PCDHGA6: variants seen among roughly 807,000 people sequenced by gnomAD.
PCDHGA6 encodes protocadherin gamma-A6.
PCDHGA6 carries 41 observed loss-of-function variants against 60.6 expected under a neutral mutation model. The observed-to-expected ratio is 0.68, with a 90% confidence interval of 0.53 to 0.88. PCDHGA6 has a LOEUF of 0.88. Among genes scored for constraint, PCDHGA6 ranks in the 40% least tolerant of loss-of-function variants. The pLI, the probability that PCDHGA6 is intolerant of heterozygous loss-of-function variation, is 0.00. For missense variants in PCDHGA6, 1,312 were observed against 1,203.0 expected, an observed-to-expected ratio of 1.09 and a Z score of -1.34; for synonymous variants, 594 against 524.4, an observed-to-expected ratio of 1.13 and a Z score of -1.81.
At chr5:141,400,235 T>TGATTCTGGCCGTTGCC in intron 1 of PCDHGA6, 1 of 1,614,006 alleles carries the variant, frequency 6.2e-7, no homozygotes, top group East Asian at 2.2e-5. Flanking sequence ...CTCCTGGCCG[T>TGATTCTGGCCGTTGCC]GATTCTGGCC....
At chr5:141,421,960 C>G in intron 1 of PCDHGA6, 3 of 1,612,526 alleles carry the variant, frequency 1.9e-6, no homozygotes, top group Non-Finnish European at 2.5e-6. Context: ...AATGTTTACA[C>G]AGTCCGTATA....
intron 1 of PCDHGA6, among the ~76,000 whole-genome samples, chr5:141,380,906 G>A (rs528730354): frequency 1.3e-3 from 196 of 152,328 alleles, no homozygotes; most frequent in Non-Finnish European, 2.0e-3. Flanking sequence ...ATCTACAAGT[G>A]CTTACATTGT....
At position 141,432,180 on chromosome 5, in the gene PCDHGA6, T is replaced by G. The variant is rs943491593; in HGVS notation, c.2424+55673T>G. 2 of 1,614,044 alleles carry G rather than the reference T, an allele frequency of 1.2e-6. No homozygotes were observed. The highest frequency in any genetic ancestry group is 1.7e-6 in the Non-Finnish European group (2 of 1,180,036). ...CCCAGAGGAGTTTCCCTCGTCTCTG[T>G]GACCGCCCACGACCCCGACTGTGAA... On this transcript the variant is annotated intron_variant, in intron 1 of 3. Coordinates refer to ENST00000517434, the MANE Select transcript of PCDHGA6 (RefSeq NM_018919.3). This position sits in a 1 kb window ranked among gnomAD's most constrained non-coding sequence, Gnocchi z 6.0.
intron 1 of PCDHGA6, among the ~76,000 whole-genome samples, chr5:141,467,304 C>T (rs567912553): frequency 2.0e-5 from 3 of 152,266 alleles, no homozygotes; most frequent in Admixed American, 6.5e-5. Flanking sequence ...CCACTCACCT[C>T]GGCCTCCCAC....
chr5:141,410,161 A>C (rs2095363664), intron 1 of PCDHGA6: 1 of 1,613,220 alleles, frequency 6.2e-7, no homozygotes, highest in African/African-American at 1.3e-5. Context: ...GACAGCCGCC[A>C]CTCTCTGCCA....
chr5:141,412,592 C>T (rs1472116158), intron 1 of PCDHGA6: 1 of 152,048 alleles, frequency 6.6e-6, no homozygotes, highest in African/African-American at 2.4e-5. Context: ...TGAATGTATA[C>T]TAAATAAAAT....
In PCDHGA6 at chr5:141,476,533, A is replaced by G; in HGVS notation, c.2425-18274A>G. 6.2e-7 allele frequency: 1 copy of G among 1,614,184 alleles called. No individual in the cohort carries two copies. Among genetic ancestry groups the G allele is most frequent in the Non-Finnish European group, 8.5e-7 (1 of 1,180,022 alleles). On this transcript the variant is annotated intron_variant, in intron 1 of 3. Transcript: ENST00000517434. The surrounding 1 kb of genome is among the most constrained non-coding windows in gnomAD (Gnocchi z 7.6). ...ACAATCCTGCTTTCCCTACCCAGGA[A>G]ATGAAATTGGAGATTAGCGAGGCCG...
At chr5:141,430,557 G>C (rs1161595629) in intron 1 of PCDHGA6, 5 of 412,906 alleles carry the variant, frequency 1.2e-5, no homozygotes, top group Non-Finnish European at 1.7e-5. Context: ...TTCACCAATC[G>C]GGGAGAGAAA....
In PCDHGA6 at chr5:141,491,727, G is replaced by C; in HGVS notation, c.2425-3080G>C. On this transcript the variant is annotated intron_variant, in intron 1 of 3. Transcript: ENST00000517434. This position sits in a 1 kb window ranked among gnomAD's most constrained non-coding sequence, Gnocchi z 6.9. ...TGAGGGGCTCGGCGCCGCCCCGGGC[G>C]ACCCCTGGGGGCGGCACTGGAGAAG... 6.2e-7 allele frequency: 1 copy of C among 1,604,916 alleles called. No individual in the cohort carries two copies. The highest frequency in any genetic ancestry group is 8.5e-7 in the Non-Finnish European group (1 of 1,176,284).
chr5:141,489,093 A>T lies in PCDHGA6; in HGVS notation c.2425-5714A>T. ...GCCCACCCCCGCCACTCGGTGACTA[A>T]GAACTGCTGCAAGCAGGCAAACCTC... is the stretch of plus-strand genomic sequence containing the variant. On this transcript the variant is annotated intron_variant, in intron 1 of 3. Coordinates refer to ENST00000517434, the MANE Select transcript of PCDHGA6 (RefSeq NM_018919.3). This position sits in a 1 kb window ranked among gnomAD's most constrained non-coding sequence, Gnocchi z 4.5. 2.1e-6 allele frequency: 1 copy of T among 477,272 alleles called. No individual in the cohort carries two copies. Among genetic ancestry groups the T allele is most frequent in the Non-Finnish European group, 3.6e-6 (1 of 276,700 alleles). The allele number at this position is 477,272 out of a possible 1,614,324, so 29.6% of individuals were successfully genotyped here.
At chr5:141,488,042 G>T (rs2099670966) in intron 1 of PCDHGA6, among the ~76,000 whole-genome samples, 1 of 152,168 alleles carries the variant, frequency 6.6e-6, no homozygotes, top group Non-Finnish European at 1.5e-5. Context: ...TTTCCCAAGG[G>T]ATTGAGGGGA....
chr5:141,454,587 G>A (rs1000852095), intron 1 of PCDHGA6, among the ~76,000 whole-genome samples: 22 of 150,902 alleles, frequency 1.5e-4, no homozygotes, highest in African/African-American at 5.4e-4. Context: ...TGTATTTTTA[G>A]TAGAGACAGG....
rs1488446232 is a variant in PCDHGA6, at chr5:141,493,171, A to G, written c.2425-1636A>G. On this transcript the variant is annotated intron_variant, in intron 1 of 3. Coordinates refer to ENST00000517434, the MANE Select transcript of PCDHGA6 (RefSeq NM_018919.3). This position sits in a 1 kb window ranked among gnomAD's most constrained non-coding sequence, Gnocchi z 4.3. ...GGTGATTTTGATAGCTGATTGAGAG[A>G]AACTTACTATATAACTCCTTTGAGA... is the stretch of plus-strand genomic sequence containing the variant. 6.6e-6 allele frequency among the ~76,000 whole-genome samples: 1 copy of G among 152,214 alleles called. No homozygotes were observed. The highest frequency in any genetic ancestry group is 1.5e-5 in the Non-Finnish European group (1 of 68,034).
Position 141,375,217 on chromosome 5 carries a change from G to A in PCDHGA6, c.1134G>A (p.Leu378=), listed in dbSNP as rs758328831. Residue 378 remains leucine, a synonymous_variant, in exon 1 of 4, where the codon CTG becomes CTA. Transcript: ENST00000517434. ...LFQVFDRDSG[L]NGLVTCSIPR... ...AAGTGTTCGATCGAGACTCTGGCCT[G>A]AATGGCCTGGTAACCTGTTCCATCC... 1.2e-6 allele frequency: 2 copies of A among 1,613,968 alleles called. No individual in the cohort carries two copies. The highest frequency in any genetic ancestry group is 2.2e-5 in the South Asian group (2 of 91,078).
chr5:141,401,429 G>A lies in PCDHGA6; in HGVS notation c.2424+24922G>A, dbSNP rs1305820458. ...AGAGAAAGAGAGAGACTGATTCACT[G>A]AACTTAGAAGGTCCAAATCATCCAA... On this transcript the variant is annotated intron_variant, in intron 1 of 3. Coordinates refer to ENST00000517434, the MANE Select transcript of PCDHGA6 (RefSeq NM_018919.3). Among the ~76,000 whole-genome samples the A allele has an allele frequency of 2.6e-5, 4 of 152,182 alleles. No homozygotes were observed. In the East Asian group the frequency reaches 7.7e-4, roughly 29 times the overall value.
intron 1 of PCDHGA6, among the ~76,000 whole-genome samples, chr5:141,446,394 A>C (rs796472404): frequency 1.1e-4 from 17 of 152,344 alleles, no homozygotes; most frequent in African/African-American, 3.4e-4. Context: ...ATTTAAGAGA[A>C]ATCGAGTTGA....
intron 1 of PCDHGA6, among the ~76,000 whole-genome samples, chr5:141,434,463 G>A (rs967685246): frequency 5.9e-5 from 9 of 152,192 alleles, no homozygotes; most frequent in Admixed American, 1.3e-4. Flanking sequence ...TGGGTTTACC[G>A]GAATGAGGGC....
rs1444244130 is a variant in PCDHGA6 at position 141,433,401 on chromosome 5, A to ATCTATCTC, written c.2424+56899_2424+56900insCTCTCTAT. The stretch of plus-strand genomic sequence containing the variant: ...TATCTATCTATCTATCTATCTATCT[A>ATCTATCTC]TCTATTACTTTCTTGTACAGACAGG... On this transcript the variant is annotated intron_variant, in intron 1 of 3. Transcript: ENST00000517434. Among the ~76,000 whole-genome samples, 100 of 150,598 alleles carry ATCTATCTC rather than the reference A, an allele frequency of 6.6e-4. 1 individual carries two copies. Among genetic ancestry groups the ATCTATCTC allele is most frequent in the African/African-American group, 2.4e-3 (100 of 40,958 alleles).
intron 1 of PCDHGA6, chr5:141,413,467 G>C: frequency 1.2e-6 from 2 of 1,614,136 alleles, no homozygotes; most frequent in East Asian, 2.2e-5. Context: ...AGACCGGGAG[G>C]AGCTCTGCGC....
Sources: allele counts gnomAD v4.1 joint callset (sites outside exome capture counted in the v4.1 genomes callset), GRCh38; gene constraint gnomAD v4.1.1; non-coding constraint Gnocchi (gnomAD v3.1); transcripts MANE v1.5; gene names NCBI Gene and HGNC (gene_info 2026-07-23, HGNC 2026-07-21).